The following MME variants were observed in gnomAD, a reference collection of about 807,000 sequenced individuals.
MME encodes the protein membrane metalloendopeptidase.
A neutral mutation model predicts 113.2 loss-of-function variants in MME; 98 were observed. The observed-to-expected ratio is 0.87, with a 90% CI of 0.74 to 1.02. MME has a LOEUF of 1.02. Ranked by LOEUF, MME falls within the 50% of genes least tolerant of loss-of-function variation. MME has a pLI of 0.00. For missense variants in MME, 836 were observed against 896.0 expected (o/e 0.93, Z 0.86); for synonymous variants, 292 against 300.6 (o/e 0.97, Z 0.30).
chr3:155,166,364 ATAAGG>A (rs1195671673), intron 17 of MME, among the ~76,000 whole-genome samples: 1 of 152,188 alleles, frequency 6.6e-6, no homozygotes, highest in Non-Finnish European at 1.5e-5. Context: ...CTTGATGAAA[ATAAGG>A]TAAGGTTATG....
chr3:155,053,676 C>A (rs1485377894), intron 1 of MME, among the ~76,000 whole-genome samples: 1 of 152,138 alleles, frequency 6.6e-6, no homozygotes, highest in African/African-American at 2.4e-5. Flanking sequence ...AGAGAGAAGA[C>A]AAAATGAAGG....
At chr3:155,074,045 CCTCT>C (rs770461077) in intron 1 of MME, among the ~76,000 whole-genome samples, 28 of 147,448 alleles carry the variant, frequency 1.9e-4, no homozygotes, top group Admixed American at 3.4e-4. Context: ...CCTTCCTTTT[CCTCT>C]CTCTCTCTCT....
chr3:155,125,444 C>CTTTTTTTTTTTT (rs1165027340), intron 8 of MME, among the ~76,000 whole-genome samples: 1 of 65,286 alleles, frequency 1.5e-5, no homozygotes, highest in Non-Finnish European at 2.7e-5. Flanking sequence ...GCTCCTCCTC[C>CTTTTTTTTTTTT]TTTTTTTTTT....
intron 8 of MME, among the ~76,000 whole-genome samples, chr3:155,132,912 G>A (rs1720251935): frequency 6.6e-6 from 1 of 150,574 alleles, no homozygotes; most frequent in African/African-American, 2.4e-5. Context: ...AATTAGCCGG[G>A]CATGGTGGCA....
At chr3:155,097,137 G>A (rs943197973) in intron 3 of MME, among the ~76,000 whole-genome samples, 4 of 152,156 alleles carry the variant, frequency 2.6e-5, no homozygotes, top group African/African-American at 9.7e-5. Flanking sequence ...TGGGACCAAT[G>A]CAGTGAAGAG....
At chr3:155,161,437 T>C (rs1722716034) in intron 17 of MME, among the ~76,000 whole-genome samples, 1 of 152,170 alleles carries the variant, frequency 6.6e-6, no homozygotes, top group South Asian at 2.1e-4. Context: ...AGCCTCATTT[T>C]TATTGAATTC....
At chr3:155,147,027 C>T (rs913022364) in intron 14 of MME, 117 bp from the exon 15 acceptor site, 1 of 706,456 alleles carries the variant, frequency 1.4e-6, no homozygotes, top group African/African-American at 1.8e-5. Flanking sequence ...GTATGTCAGA[C>T]ACTCATTTTA....
At chr3:155,117,950 G>T (rs13066247) in intron 7 of MME, among the ~76,000 whole-genome samples, 3 of 152,122 alleles carry the variant, frequency 2.0e-5, no homozygotes, top group African/African-American at 7.2e-5. Flanking sequence ...GCTCTGTTTG[G>T]CCTCCACACT....
chr3:155,061,922 A>G (rs951676968), intron 1 of MME, among the ~76,000 whole-genome samples: 1 of 152,132 alleles, frequency 6.6e-6, no homozygotes, highest in African/African-American at 2.4e-5. Flanking sequence ...CAGCCTCCCA[A>G]AGTGCTGGGA....
At position 155,144,492 on chromosome 3, in the gene MME, C is replaced by T. The variant is rs771326548; in HGVS notation, c.1416+35C>T. 24 of 1,354,708 alleles carry T rather than the reference C, an allele frequency of 1.8e-5. No homozygotes were observed. The South Asian group carries it at 2.4e-4, about 13-fold the overall frequency. The allele number at this position is 1,354,708 out of a possible 1,614,324, so 83.9% of individuals were successfully genotyped here. On this transcript the variant is annotated intron_variant, in intron 14 of 22. Coordinates refer to ENST00000360490, the MANE Select transcript of MME (RefSeq NM_007289.4). ...AGACAGCTAACTAGCAAAGAAAAAT[C>T]TTTGCTAGTATAGGAAAAATTAACT... is the stretch of plus-strand genomic sequence containing the variant.
At chr3:155,106,473 G>A (rs902401750) in intron 3 of MME, among the ~76,000 whole-genome samples, 1 of 152,102 alleles carries the variant, frequency 6.6e-6, no homozygotes. Context: ...AAGCCATTTG[G>A]TTTTTATTAG....
At chr3:155,130,779 C>T (rs963344459) in intron 8 of MME, among the ~76,000 whole-genome samples, 6 of 152,156 alleles carry the variant, frequency 3.9e-5, no homozygotes, top group African/African-American at 1.4e-4. Context: ...AGAAACTGTT[C>T]AGGACTTGAG....
intron 1 of MME, among the ~76,000 whole-genome samples, chr3:155,029,609 C>T (rs946800701): frequency 9.9e-5 from 15 of 151,728 alleles, no homozygotes; most frequent in African/African-American, 3.4e-4. Context: ...GTTTTAGGAC[C>T]TTAAAATATC....
chr3:155,070,751 G>T (rs1194660631), intron 1 of MME, among the ~76,000 whole-genome samples: 1 of 152,128 alleles, frequency 6.6e-6, no homozygotes, highest in Non-Finnish European at 1.5e-5. Context: ...TCCCACTCAG[G>T]AGTTGCTTAG....
chr3:155,154,651 T>C (rs752961690), intron 16 of MME, among the ~76,000 whole-genome samples: 1 of 152,188 alleles, frequency 6.6e-6, no homozygotes, highest in African/African-American at 2.4e-5. Context: ...TTCTAAAATA[T>C]CCCTTCTGAT....
intron 8 of MME, among the ~76,000 whole-genome samples, chr3:155,119,746 A>G (rs1377370933): frequency 4.2e-4 from 60 of 141,202 alleles, no homozygotes; most frequent in East Asian, 1.3e-3. Flanking sequence ...ACATGAACTC[A>G]TCATTTTTTA....
At chr3:155,170,984 G>A (rs1711875156) in intron 20 of MME, among the ~76,000 whole-genome samples, 1 of 152,136 alleles carries the variant, frequency 6.6e-6, no homozygotes, top group African/African-American at 2.4e-5. Flanking sequence ...TCCACAAGAA[G>A]TTAAATCCAG....
chr3:155,049,676 TATAGAG>T lies in MME; in HGVS notation c.-11+25354_-11+25359del, dbSNP rs1559892481. Among the ~76,000 whole-genome samples the T allele has an allele frequency of 2.2e-4, 31 of 143,670 alleles. No homozygotes were observed. The East Asian group carries it at 6.3e-3, about 29-fold the overall frequency. The allele number at this position is 143,670 out of a possible 152,430, so 94.3% of individuals were successfully genotyped here. A position where few individuals can be genotyped will look rare whatever the true frequency, so the allele number is the denominator to read the frequency against. Reference sequence around the variant, plus strand: ...CTATCTATCTATCTATCTATCTATATATAGAGAGAGAACAGAATGTTGGTAGAAATA... The same window carrying T: ...CTATCTATCTATCTATCTATCTATATAGAGAACAGAATGTTGGTAGAAATA... On this transcript the variant is annotated intron_variant, in intron 1 of 22. Transcript: ENST00000492661.
chr3:155,034,285 G>C (rs951680420), intron 1 of MME, among the ~76,000 whole-genome samples: 2 of 152,206 alleles, frequency 1.3e-5, no homozygotes, highest in Non-Finnish European at 2.9e-5. Flanking sequence ...TCATTTCTGA[G>C]TCCCAGAATG....
Sources: gnomAD v4.1 joint callset for allele counts (sites outside exome capture counted in the v4.1 genomes callset) on GRCh38, gnomAD v4.1.1 for gene constraint, MANE v1.5 for transcripts, NCBI Gene and HGNC (gene_info 2026-07-23, HGNC 2026-07-21) for gene names.